The following SUPV3L1 variants were observed in gnomAD, a reference collection of about 807,000 sequenced individuals.
SUPV3L1 encodes ATP-dependent RNA helicase SUPV3L1, mitochondrial.
SUPV3L1 carries 35 observed loss-of-function variants against 70.0 expected under a neutral mutation model. The observed-to-expected ratio is 0.50, with a 90% CI of 0.38 to 0.66. The LOEUF is 0.66. SUPV3L1 is among the 30% of genes least tolerant of loss of function. The pLI is 0.00. For missense variants in SUPV3L1, 777 were observed against 961.5 expected (o/e 0.81, Z 2.54); for synonymous variants, 364 against 341.9 (o/e 1.06, Z -0.71).
intron 6 of SUPV3L1, 36 bp downstream of exon 6, chr10:69,191,802 A>G: frequency 1.4e-6 from 2 of 1,474,580 alleles, no homozygotes; most frequent in Non-Finnish European, 1.9e-6. Context: ...ATGGTTTGGT[A>G]TTTTTAATTT....
At chr10:69,208,083 AC>A (rs1482808124) in intron 14 of SUPV3L1, 142 bp downstream of exon 14, 1 of 1,083,578 alleles carries the variant, frequency 9.2e-7, no homozygotes, top group Non-Finnish European at 1.3e-6. Context: ...AGGCAATTCA[AC>A]TGATGGAATG....
intron 6 of SUPV3L1, 103 bp from the exon 7 acceptor site, chr10:69,195,085 A>T: frequency 3.8e-6 from 3 of 788,616 alleles, no homozygotes; most frequent in Non-Finnish European, 5.9e-6. Flanking sequence ...CCAGTAAGTG[A>T]TGGTGGTAGT....
rs7897299 is a variant in SUPV3L1 at position 69,208,437 on chromosome 10, C to T, written c.1926-163C>T. On this transcript the variant is annotated intron_variant, in intron 14 of 14. Coordinates refer to ENST00000359655, the MANE Select transcript of SUPV3L1 (RefSeq NM_003171.5). ...CCACCCTCAGGATGACATATTCCTCCGATATGTGGGGGCAGAAATCAAGGT... is the reference window on the plus strand; with the variant it reads ...CCACCCTCAGGATGACATATTCCTCTGATATGTGGGGGCAGAAATCAAGGT... 6.6e-5 allele frequency among the ~76,000 whole-genome samples: 10 copies of T among 152,222 alleles called. No homozygotes were observed. The East Asian group carries it at 1.2e-3, about 18-fold the overall frequency.
At chr10:69,188,785 C>A (rs1000257126) in intron 4 of SUPV3L1, among the ~76,000 whole-genome samples, 1 of 152,186 alleles carries the variant, frequency 6.6e-6, no homozygotes, top group African/African-American at 2.4e-5. Context: ...AGGCGTGAGC[C>A]ACCATGCCTC....
At chr10:69,191,911 A>T in intron 6 of SUPV3L1, 145 bp downstream of exon 6, 1 of 529,836 alleles carries the variant, frequency 1.9e-6, no homozygotes, top group Non-Finnish European at 3.3e-6. Context: ...AGTTCAAGCG[A>T]TTCTCCTGCC....
rs1181805592 is a variant in SUPV3L1 at position 69,180,363 on chromosome 10, C to A, written c.72C>A (p.Ile24=). The part of the protein sequence containing the change: ...AGRQAGHRAA[I]CSALRPHFGP... ...GCCAGGCTGGCCACCGGGCAGCCATCTGCTCTGCCCTTCGTCCCCACTTTG... is the reference window on the plus strand; with the variant it reads ...GCCAGGCTGGCCACCGGGCAGCCATATGCTCTGCCCTTCGTCCCCACTTTG... The change falls in exon 1 of 15, where the codon ATC becomes ATA. Residue 24 remains isoleucine, a synonymous_variant. Transcript: ENST00000359655. The A allele has an allele frequency of 1.2e-6, 2 of 1,614,224 alleles. No individual in the cohort carries two copies. Among genetic ancestry groups the A allele is most frequent in the Non-Finnish European group, 8.5e-7 (1 of 1,180,034 alleles).
chr10:69,200,355 A>G lies in SUPV3L1; in HGVS notation c.1374A>G (p.Pro458=), dbSNP rs780984009. The G allele has an allele frequency of 5.0e-6, 8 of 1,614,086 alleles. No homozygotes were observed. In the South Asian group the frequency reaches 7.7e-5, roughly 16 times the overall value. The change falls in exon 11 of 15, where the codon CCA becomes CCG. Residue 458 remains proline, a synonymous_variant. Coordinates refer to ENST00000359655, the MANE Select transcript of SUPV3L1 (RefSeq NM_003171.5). The stretch of plus-strand genomic sequence containing the variant: ...AAAAGGGAGAGAGAGAACTAGAACC[A>G]ATCACAACCTCTCAAGCCCTGCAGA... ...INEKGERELE[P]ITTSQALQIA...
Position 69,189,367 on chromosome 10 carries a change from A to C in SUPV3L1, c.673A>C (p.Lys225Gln), listed in dbSNP as rs769638634. The change falls in exon 5 of 15, where the codon AAG (lysine) becomes CAG (glutamine). Residue 225 changes from lysine (K) to glutamine (Q), a missense_variant. Transcript: ENST00000359655. The stretch of plus-strand genomic sequence containing the variant: ...CGCAATCCAGAAATACTTCTCAGCA[A>C]AGTCTGGAGTGTATTGTGGCCCTCT... ...YHAIQKYFSA[K>Q]SGVYCGPLKL... 12 of 1,614,006 alleles carry C rather than the reference A, an allele frequency of 7.4e-6. No homozygotes were observed. The highest frequency in any genetic ancestry group is 3.3e-5 in the Admixed American group (2 of 59,998).
At chr10:69,182,154 C>G (rs1325443342) in intron 1 of SUPV3L1, among the ~76,000 whole-genome samples, 1 of 151,818 alleles carries the variant, frequency 6.6e-6, no homozygotes, top group East Asian at 1.9e-4. Context: ...ATCACCATGC[C>G]TGGATAATTT....
chr10:69,180,737 C>T (rs1358936318), intron 1 of SUPV3L1, among the ~76,000 whole-genome samples, 175 bp downstream of exon 1: 1 of 152,178 alleles, frequency 6.6e-6, no homozygotes, highest in Admixed American at 6.5e-5. Flanking sequence ...CGGCTTAGGA[C>T]TGTATCTGAT....
chr10:69,185,505 T>C (rs1003490019), intron 1 of SUPV3L1, among the ~76,000 whole-genome samples: 18 of 29,800 alleles, frequency 6.0e-4, no homozygotes, highest in African/African-American at 1.1e-3. Context: ...CATTTTTCTC[T>C]TTTTTTTTTT....
intron 9 of SUPV3L1, 65 bp downstream of exon 9, chr10:69,198,617 A>G (rs1490553319): frequency 2.0e-6 from 3 of 1,489,328 alleles, no homozygotes; most frequent in African/African-American, 2.8e-5. Flanking sequence ...ATGTTGAGAT[A>G]TATATAAAAA....
intron 10 of SUPV3L1, among the ~76,000 whole-genome samples, chr10:69,199,438 G>A (rs1412646159): frequency 6.6e-6 from 1 of 152,196 alleles, no homozygotes; most frequent in Non-Finnish European, 1.5e-5. Flanking sequence ...CTGGAGTGCA[G>A]TGATCAAATT....
At chr10:69,187,843 A>T in intron 4 of SUPV3L1, 87 bp downstream of exon 4, 1 of 840,412 alleles carries the variant, frequency 1.2e-6, no homozygotes, top group Admixed American at 3.0e-5. Context: ...TGTATTCTAG[A>T]TAACAAATTA....
At chr10:69,199,962 A>G (rs1312101144) in intron 10 of SUPV3L1, among the ~76,000 whole-genome samples, 1 of 152,068 alleles carries the variant, frequency 6.6e-6, no homozygotes, top group Non-Finnish European at 1.5e-5. Context: ...TTTGTGCCTC[A>G]GCCCCCCGAG....
chr10:69,205,200 A>G (rs1183932758), intron 13 of SUPV3L1, among the ~76,000 whole-genome samples: 1 of 152,210 alleles, frequency 6.6e-6, no homozygotes, highest in Non-Finnish European at 1.5e-5. Context: ...CATTTGTGAA[A>G]AACTTAGCTA....
intron 11 of SUPV3L1, among the ~76,000 whole-genome samples, chr10:69,201,537 CTTTT>C (rs35634841): frequency 7.3e-6 from 1 of 137,576 alleles, no homozygotes. Flanking sequence ...TTTTTCTTTC[CTTTT>C]TTTTTTTTTT....
At position 69,208,689 on chromosome 10, in the gene SUPV3L1, A is replaced by G. The variant is rs768639246; in HGVS notation, c.2015A>G (p.Asn672Ser). The change falls in exon 15 of 15, where the codon AAT becomes AGT. Residue 672 changes from asparagine to serine, a missense_variant. Around this residue, in one of 2 missense-constraint regions of SUPV3L1, gnomAD observed 619 missense variants for 823.3 expected, o/e 0.75. Transcript: ENST00000359655. ...LDGIIQDGVH[N>S]ITKLIKMSET... Reference sequence around the variant, plus strand: ...GGTATTATCCAAGATGGTGTGCACAATATCACTAAATTGATTAAAATGTCT... The same window carrying G: ...GGTATTATCCAAGATGGTGTGCACAGTATCACTAAATTGATTAAAATGTCT... 5.6e-5 allele frequency: 90 copies of G among 1,614,096 alleles called. No homozygotes were observed. The highest frequency in any genetic ancestry group is 2.0e-4 in the Admixed American group (12 of 60,006).
intron 10 of SUPV3L1, among the ~76,000 whole-genome samples, chr10:69,199,766 G>T (rs1450110573): frequency 6.6e-6 from 1 of 152,130 alleles, no homozygotes; most frequent in Non-Finnish European, 1.5e-5. Context: ...TCAGTCAGGT[G>T]TCCGAGTGCC....
Sources: gnomAD v4.1 joint callset for allele counts (sites outside exome capture counted in the v4.1 genomes callset) on GRCh38, gnomAD v4.1.1 for gene constraint, gnomAD v4.1.1 regional missense constraint, MANE v1.5 for transcripts, NCBI Gene and HGNC (gene_info 2026-07-23, HGNC 2026-07-21) for gene names.